The following DLG2 variants were observed in gnomAD, a reference collection of about 807,000 sequenced individuals.
DLG2 encodes the protein disks large homolog 2.
In DLG2, 45 loss-of-function variants were observed where a neutral mutation model predicts 132.5. The observed-to-expected ratio is 0.34, with a 90% CI of 0.27 to 0.44. The LOEUF is 0.44. Ranked by LOEUF, DLG2 falls within the 20% of genes least tolerant of loss-of-function variation. DLG2 has a pLI of 1.00. For missense variants in DLG2, 1,045 were observed against 1,196.9 expected, an observed-to-expected ratio of 0.87 and a Z score of 1.87; for synonymous variants, 424 against 419.6, an observed-to-expected ratio of 1.01 and a Z score of -0.13.
intron 4 of DLG2, among the ~76,000 whole-genome samples, chr11:85,226,786 T>C (rs1480150996): frequency 6.6e-6 from 1 of 152,138 alleles, no homozygotes; most frequent in Non-Finnish European, 1.5e-5. Context: ...TCTCATCACC[T>C]GAAATTCTGA....
At chr11:83,868,961 A>G (rs1407527961) in intron 16 of DLG2, among the ~76,000 whole-genome samples, 1 of 152,182 alleles carries the variant, frequency 6.6e-6, no homozygotes, top group African/African-American at 2.4e-5. Context: ...CTAAAGTCCA[A>G]CGGTCCCTTA....
intron 19 of DLG2, among the ~76,000 whole-genome samples, chr11:83,625,348 C>T (rs1381079618): frequency 6.6e-6 from 1 of 152,172 alleles, no homozygotes; most frequent in African/African-American, 2.4e-5. Context: ...GTGAAGAATC[C>T]TGCCATTCCA....
chr11:84,672,681 C>T (rs966047348), intron 6 of DLG2, among the ~76,000 whole-genome samples: 1 of 152,170 alleles, frequency 6.6e-6, no homozygotes, highest in Admixed American at 6.5e-5. Flanking sequence ...CTCCTTTTGC[C>T]TTTCCCTCTC....
At position 83,786,774 on chromosome 11, in the gene DLG2, G is replaced by A. The variant is rs748374329; in HGVS notation, c.1741C>T (p.Arg581Cys). 8.7e-6 allele frequency: 14 copies of A among 1,613,932 alleles called. No individual in the cohort carries two copies. The highest frequency in any genetic ancestry group is 4.5e-5 in the East Asian group (2 of 44,864). Residue 581 changes from arginine to cysteine, a missense_variant, in exon 18 of 28, where the codon CGT (arginine) becomes TGT (cysteine). This residue lies in a region of DLG2 where 398 missense variants were observed against 543.6 expected (regional missense o/e 0.73). Transcript: ENST00000376104. Reference protein sequence around the residue: ...QILSVNGIDLRGASHEQAAAA... With the variant: ...QILSVNGIDLCGASHEQAAAA... The stretch of plus-strand genomic sequence containing the variant: ...GCTGCCTGCTCGTGGGATGCACCAC[G>A]GAGGTCAATGCCATTCACCTGAAAG...
In DLG2 at chr11:84,763,744, T is replaced by C. The variant is rs190501029; in HGVS notation, c.358-229013A>G. On this transcript the variant is annotated intron_variant, in intron 6 of 27. Transcript: ENST00000376104. ...GGTATACAGTAGTCATTCCACTTATTCAGAATAACTTTTTTTAAATGCCAT... is the reference window on the plus strand; with the variant it reads ...GGTATACAGTAGTCATTCCACTTATCCAGAATAACTTTTTTTAAATGCCAT... 5.3e-4 allele frequency among the ~76,000 whole-genome samples: 80 copies of C among 152,282 alleles called. 1 individual carries two copies. The East Asian group carries it at 0.014, about 28-fold the overall frequency.
At chr11:84,408,870 T>A (rs966207911) in intron 7 of DLG2, among the ~76,000 whole-genome samples, 1 of 152,200 alleles carries the variant, frequency 6.6e-6, no homozygotes, top group Non-Finnish European at 1.5e-5. Flanking sequence ...CGCCTCTTTC[T>A]CTGTAGATGT....
intron 6 of DLG2, among the ~76,000 whole-genome samples, chr11:84,553,324 GA>G (rs1448067402): frequency 6.6e-6 from 1 of 152,154 alleles, no homozygotes; most frequent in Non-Finnish European, 1.5e-5. Flanking sequence ...GTAATATTTA[GA>G]GAAAACGCAA....
chr11:83,691,497 T>C (rs2080990760), intron 18 of DLG2, among the ~76,000 whole-genome samples: 1 of 152,202 alleles, frequency 6.6e-6, no homozygotes, highest in South Asian at 2.1e-4. Context: ...CTGCTGTCTC[T>C]GGCTGAGCTG....
At chr11:85,541,360 G>A (rs1383128327) in intron 3 of DLG2, among the ~76,000 whole-genome samples, 1 of 151,624 alleles carries the variant, frequency 6.6e-6, no homozygotes, top group Non-Finnish European at 1.5e-5. Context: ...ATAACATACA[G>A]CTGGAAAAAA....
At chr11:85,198,859 T>C (rs552044661) in intron 4 of DLG2, among the ~76,000 whole-genome samples, 1 of 152,268 alleles carries the variant, frequency 6.6e-6, no homozygotes, top group Admixed American at 6.5e-5. Flanking sequence ...AGTGGAACTT[T>C]TCATGCTAGA....
chr11:85,251,775 T>C (rs1009244987), intron 4 of DLG2, among the ~76,000 whole-genome samples: 2 of 152,160 alleles, frequency 1.3e-5, no homozygotes, highest in Non-Finnish European at 2.9e-5. Context: ...TAGGCCATAA[T>C]TAGTTACAAT....
At chr11:84,011,977 T>C (rs2094915508) in intron 11 of DLG2, among the ~76,000 whole-genome samples, 1 of 152,154 alleles carries the variant, frequency 6.6e-6, no homozygotes, top group South Asian at 2.1e-4. Flanking sequence ...CTTCAATCAA[T>C]TGGATTTTGG....
chr11:83,681,889 G>A (rs1344343555), intron 18 of DLG2: 1 of 154,256 alleles, frequency 6.5e-6, no homozygotes. Flanking sequence ...TTTTTTCAAA[G>A]CTCACCCAAC....
In DLG2 at chr11:84,892,408, C is replaced by CA. The variant is rs34562458; in HGVS notation, c.357+219252dup. Among the ~76,000 whole-genome samples the CA allele has an allele frequency of 4.6e-4, 70 of 150,986 alleles. 1 individual carries two copies. In the East Asian group the frequency reaches 9.1e-3, roughly 20 times the overall value. On this transcript the variant is annotated intron_variant, in intron 6 of 27. Coordinates refer to ENST00000376104, the MANE Select transcript of DLG2 (RefSeq NM_001142699.3). The stretch of plus-strand genomic sequence containing the variant: ...ATTCCACTAGAATGCAGCTCTATGG[C>CA]AAAAAAAAGGCTTTATCTGTTTTAT...
intron 18 of DLG2, among the ~76,000 whole-genome samples, chr11:83,778,064 G>T (rs549654064): frequency 6.6e-6 from 1 of 152,242 alleles, no homozygotes; most frequent in South Asian, 2.1e-4. Context: ...CTGACAAATA[G>T]CTATTCAAAG....
At chr11:83,932,702 T>C (rs1362229722) in intron 14 of DLG2, among the ~76,000 whole-genome samples, 1 of 42,198 alleles carries the variant, frequency 2.4e-5, no homozygotes, top group Non-Finnish European at 1.1e-4. Flanking sequence ...AATGAATAGA[T>C]AATTTTTTTT....
chr11:85,338,882 T>C (rs983758513), intron 3 of DLG2, among the ~76,000 whole-genome samples: 1 of 151,996 alleles, frequency 6.6e-6, no homozygotes, highest in Admixed American at 6.6e-5. Context: ...TCTTTTGTAC[T>C]TTTAGTAGAG....
chr11:85,036,395 C>T (rs2061438154), intron 6 of DLG2, among the ~76,000 whole-genome samples: 1 of 152,206 alleles, frequency 6.6e-6, no homozygotes, highest in Non-Finnish European at 1.5e-5. Flanking sequence ...TGTCTGTTCA[C>T]TGCCACATCT....
At chr11:83,707,255 A>G (rs1380637357) in intron 18 of DLG2, among the ~76,000 whole-genome samples, 1 of 152,140 alleles carries the variant, frequency 6.6e-6, no homozygotes, top group African/African-American at 2.4e-5. Context: ...AGAAGTAGAA[A>G]TCAGTTGCCC....
Sources: allele counts gnomAD v4.1 joint callset (sites outside exome capture counted in the v4.1 genomes callset), GRCh38; gene constraint gnomAD v4.1.1; regional missense constraint gnomAD v4.1.1; transcripts MANE v1.5; gene names NCBI Gene and HGNC (gene_info 2026-07-23, HGNC 2026-07-21).